MBNL1: variants seen among roughly 807,000 people sequenced by gnomAD.
MBNL1 encodes muscleblind like splicing regulator 1.
In MBNL1, 8 loss-of-function variants were observed where a neutral mutation model predicts 42.2. The ratio of observed to expected loss-of-function variants is 0.19; its 90% CI spans 0.11 to 0.34. The LOEUF (loss-of-function observed/expected upper bound fraction) is 0.34. Ranked by LOEUF, MBNL1 falls within the 10% of genes least tolerant of loss-of-function variation. MBNL1 has a pLI of 1.00. For missense variants in MBNL1, 309 were observed against 495.3 expected (o/e 0.62, Z 3.57); for synonymous variants, 169 against 173.9 (o/e 0.97, Z 0.22).
chr3:152,306,650 C>T (rs2063308107), intron 2 of MBNL1, among the ~76,000 whole-genome samples: 1 of 152,078 alleles, frequency 6.6e-6, no homozygotes, highest in South Asian at 2.1e-4. Context: ...TTTTAAAAAA[C>T]TGTTGCCTTG....
intron 1 of MBNL1, among the ~76,000 whole-genome samples, chr3:152,283,929 C>G (rs917300941): frequency 6.6e-6 from 1 of 152,224 alleles, no homozygotes; most frequent in African/African-American, 2.4e-5. Context: ...TGACCTCTCT[C>G]TTTAACTTAC....
chr3:152,434,730 A>G (rs1056142325), intron 4 of MBNL1, among the ~76,000 whole-genome samples: 1 of 152,140 alleles, frequency 6.6e-6, no homozygotes, highest in Admixed American at 6.5e-5. Flanking sequence ...TGACTTTTTA[A>G]TAATAGACAT....
At chr3:152,420,177 G>A (rs867784171) in intron 3 of MBNL1, among the ~76,000 whole-genome samples, 5 of 152,304 alleles carry the variant, frequency 3.3e-5, no homozygotes, top group East Asian at 1.9e-4. Flanking sequence ...GGCTGTGGGC[G>A]CAGCTTCAGC....
intron 2 of MBNL1, among the ~76,000 whole-genome samples, chr3:152,343,256 T>G (rs1399066986): frequency 6.6e-6 from 1 of 152,202 alleles, no homozygotes; most frequent in Non-Finnish European, 1.5e-5. Flanking sequence ...ATTATCAATC[T>G]TGTGTTCTTT....
At chr3:152,317,920 A>G (rs572780175) in intron 2 of MBNL1, among the ~76,000 whole-genome samples, 1 of 152,376 alleles carries the variant, frequency 6.6e-6, no homozygotes, top group Admixed American at 6.5e-5. Flanking sequence ...AACAAGTAGT[A>G]TCCTTTAGCT....
At chr3:152,296,571 G>C (rs571856363) in intron 1 of MBNL1, among the ~76,000 whole-genome samples, 1 of 152,100 alleles carries the variant, frequency 6.6e-6, no homozygotes, top group Admixed American at 6.5e-5. Flanking sequence ...AAAGGCTGCC[G>C]TGTGCAATGA....
intron 2 of MBNL1, among the ~76,000 whole-genome samples, chr3:152,362,342 G>C (rs2096032412): frequency 6.6e-6 from 1 of 152,134 alleles, no homozygotes. Flanking sequence ...CACTAGTAGG[G>C]GTGGTTTGCG....
rs71144111 is a variant in MBNL1 at position 152,311,001 on chromosome 3, CTTTTTTTTTTT to C, written c.174+10649_174+10659del. 1.4e-4 allele frequency among the ~76,000 whole-genome samples: 11 copies of C among 77,532 alleles called. 1 individual carries two copies. In the East Asian group the frequency reaches 4.0e-3, roughly 28 times the overall value. The allele number at this position is 77,532 out of a possible 152,430, so 50.9% of individuals were successfully genotyped here. A position where few individuals can be genotyped will look rare whatever the true frequency, so the allele number is the denominator to read the frequency against. On this transcript the variant is annotated intron_variant, in intron 2 of 9. Coordinates refer to ENST00000324210, the MANE Select transcript of MBNL1 (RefSeq NM_021038.5). ...TTTTCTAATGCACAGAACCATGAGA[CTTTTTTTTTTT>C]TTTTTTTTTTTTTTGAGACAGAGTC... is the stretch of plus-strand genomic sequence containing the variant.
At chr3:152,261,074 C>T (rs2036179171) in intron 2 of MBNL1, among the ~76,000 whole-genome samples, 1 of 152,134 alleles carries the variant, frequency 6.6e-6, no homozygotes, top group African/African-American at 2.4e-5. Flanking sequence ...TTTCCATTTC[C>T]TAAACTCTAG....
chr3:152,417,821 G>A (rs925275773), intron 3 of MBNL1, among the ~76,000 whole-genome samples: 1 of 152,180 alleles, frequency 6.6e-6, no homozygotes, highest in Non-Finnish European at 1.5e-5. Flanking sequence ...ATGGGGCATA[G>A]AAGTGGACAC....
At chr3:152,325,553 ATTT>A (rs1184107943) in intron 2 of MBNL1, among the ~76,000 whole-genome samples, 1 of 151,690 alleles carries the variant, frequency 6.6e-6, no homozygotes, top group African/African-American at 2.4e-5. Context: ...TCTGTATTTT[ATTT>A]TTTTTAGTTT....
upstream of MBNL1, chr3:152,265,014 G>C (rs561397689): frequency 6.6e-6 from 1 of 152,206 alleles, no homozygotes; most frequent in South Asian, 2.1e-4. Context: ...GGTCCTTGAA[G>C]ATAAACTAAA....
At chr3:152,298,362 T>A (rs902040399) in intron 1 of MBNL1, among the ~76,000 whole-genome samples, 1 of 152,196 alleles carries the variant, frequency 6.6e-6, no homozygotes, top group African/African-American at 2.4e-5. Flanking sequence ...TAAGAAGTAG[T>A]CTTGTGGTGC....
At chr3:152,332,112 T>C (rs1255443907) in intron 2 of MBNL1, among the ~76,000 whole-genome samples, 1 of 152,234 alleles carries the variant, frequency 6.6e-6, no homozygotes, top group Non-Finnish European at 1.5e-5. Flanking sequence ...AGTTGAGCAG[T>C]TGGAATCTGT....
At chr3:152,434,908 G>A (rs1029693317) in intron 4 of MBNL1, among the ~76,000 whole-genome samples, 4 of 151,920 alleles carry the variant, frequency 2.6e-5, no homozygotes, top group Non-Finnish European at 5.9e-5. Flanking sequence ...TTTTTTGCTC[G>A]TAAATTTAAG....
intron 2 of MBNL1, among the ~76,000 whole-genome samples, chr3:152,314,987 T>G (rs1033439746): frequency 2.0e-5 from 3 of 152,216 alleles, no homozygotes. Context: ...TATTGCCCAT[T>G]CTGTTCTGCT....
rs540032704 is a variant in MBNL1 at position 152,282,506 on chromosome 3, A to G, written c.-790+13414A>G. Among the ~76,000 whole-genome samples the G allele has an allele frequency of 2.6e-5, 4 of 152,258 alleles. No individual in the cohort carries two copies. In the East Asian group the frequency reaches 7.7e-4, roughly 29 times the overall value. On this transcript the variant is annotated intron_variant, in intron 1 of 9. Coordinates refer to ENST00000324210, the MANE Select transcript of MBNL1 (RefSeq NM_021038.5). The stretch of plus-strand genomic sequence containing the variant: ...TCACCTAATATTAATTTGAATTTTT[A>G]ATATTCTAGGCACTGTGCTAGATAT...
intron 2 of MBNL1, among the ~76,000 whole-genome samples, chr3:152,352,112 G>A (rs2095066356): frequency 6.6e-6 from 1 of 152,064 alleles, no homozygotes; most frequent in African/African-American, 2.4e-5. Flanking sequence ...CCTAAATTAT[G>A]TAAAGCTATA....
At chr3:152,332,925 A>G (rs1177710238) in intron 2 of MBNL1, among the ~76,000 whole-genome samples, 2 of 152,170 alleles carry the variant, frequency 1.3e-5, no homozygotes, top group Admixed American at 1.3e-4. Context: ...GCTGACTGAA[A>G]TTAACCCAGA....
Sources: gnomAD v4.1 joint callset for allele counts (sites outside exome capture counted in the v4.1 genomes callset) on GRCh38, gnomAD v4.1.1 for gene constraint, MANE v1.5 for transcripts, NCBI Gene and HGNC (gene_info 2026-07-23, HGNC 2026-07-21) for gene names.